AK5: variants seen among roughly 807,000 people sequenced by gnomAD.
The protein encoded by AK5 is adenylate kinase 5.
Under a neutral mutation model 69.5 loss-of-function variants are expected in AK5, and 27 were observed. That is an observed-to-expected ratio of 0.39 (90% CI 0.29 to 0.54). AK5 has a LOEUF of 0.54. Among genes scored for constraint, AK5 ranks in the 20% least tolerant of loss-of-function variants. The probability of loss-of-function intolerance (pLI) is 0.71; values close to 1 mark genes in which losing one functional copy is unlikely to be tolerated. For synonymous variants in AK5, 260 were observed against 244.4 expected, an observed-to-expected ratio of 1.06 and a Z score of -0.60; for missense variants, 531 against 700.4, an observed-to-expected ratio of 0.76 and a Z score of 2.73.
chr1:77,367,589 T>TTATATATTTTA (rs374382779), intron 6 of AK5, among the ~76,000 whole-genome samples: 4 of 43,594 alleles, frequency 9.2e-5, no homozygotes, highest in Non-Finnish European at 1.7e-4. Context: ...AATATATATG[T>TTATATATTTTA]TATATATGTA....
At chr1:77,530,701 C>T (rs1372295404) in intron 12 of AK5, among the ~76,000 whole-genome samples, 1 of 152,112 alleles carries the variant, frequency 6.6e-6, no homozygotes. Flanking sequence ...GAGTCAAATA[C>T]TATTATTATC....
In AK5 at chr1:77,291,632, C is replaced by T. The variant is rs193076309; in HGVS notation, c.248-2161C>T. On this transcript the variant is annotated intron_variant, in intron 2 of 13. Coordinates refer to ENST00000354567, the MANE Select transcript of AK5 (RefSeq NM_174858.3). ...TCTTCTGAGTTTTCTCTATGGGAAA[C>T]TATTTCAGTAAGATGTTCTTTTTAT... Among the ~76,000 whole-genome samples the T allele has an allele frequency of 7.2e-5, 11 of 152,200 alleles. No homozygotes were observed. The South Asian group carries it at 8.3e-4, about 11-fold the overall frequency.
intron 8 of AK5, among the ~76,000 whole-genome samples, chr1:77,444,886 A>G (rs1313429164): frequency 6.6e-6 from 1 of 151,524 alleles, no homozygotes; most frequent in Non-Finnish European, 1.5e-5. Context: ...CCAATATCTG[A>G]TCTTTATTTA....
intron 6 of AK5, among the ~76,000 whole-genome samples, chr1:77,354,132 G>A (rs1051541291): frequency 2.0e-5 from 3 of 152,260 alleles, no homozygotes; most frequent in Non-Finnish European, 4.4e-5. Context: ...TGGTGGGAAA[G>A]ACAGAATCAA....
intron 5 of AK5, among the ~76,000 whole-genome samples, chr1:77,325,604 T>C (rs1411798386): frequency 6.6e-6 from 1 of 152,130 alleles, no homozygotes; most frequent in Non-Finnish European, 1.5e-5. Context: ...CTACCTCTGT[T>C]ACACCCTGTG....
intron 8 of AK5, among the ~76,000 whole-genome samples, chr1:77,458,123 G>A (rs983782832): frequency 2.0e-5 from 3 of 148,776 alleles, no homozygotes. Flanking sequence ...AAAAAAAAAA[G>A]GGCAAAACAA....
At position 77,293,707 on chromosome 1, in the gene AK5, A is replaced by G; in HGVS notation, c.248-86A>G. The G allele has an allele frequency of 3.4e-6, 4 of 1,188,742 alleles. No individual in the cohort carries two copies. In the South Asian group the frequency reaches 5.1e-5, roughly 15 times the overall value. 73.6% of individuals were successfully genotyped at this position (1,188,742 alleles called of 1,614,324 possible). ...GAAAAAAACAAACCCATTTAATTTTAAAATTGCTTTTACTAACTGTTTAAG... is the reference window on the plus strand; with the variant it reads ...GAAAAAAACAAACCCATTTAATTTTGAAATTGCTTTTACTAACTGTTTAAG... On this transcript the variant is annotated intron_variant, in intron 2 of 13. Coordinates refer to ENST00000354567, the MANE Select transcript of AK5 (RefSeq NM_174858.3).
intron 6 of AK5, among the ~76,000 whole-genome samples, chr1:77,364,379 C>T (rs1292610029): frequency 6.6e-6 from 1 of 152,136 alleles, no homozygotes; most frequent in African/African-American, 2.4e-5. Context: ...GTGTTGGGAA[C>T]ATTAACTATC....
In AK5 at chr1:77,383,001, C is replaced by T. The variant is rs137908804; in HGVS notation, c.892-27980C>T. Among the ~76,000 whole-genome samples the T allele has an allele frequency of 6.8e-3, 1,040 of 152,226 alleles. 14 individuals carry two copies. The highest frequency in any genetic ancestry group is 0.024 in the African/African-American group (989 of 41,524). On this transcript the variant is annotated intron_variant, in intron 6 of 13. Coordinates refer to ENST00000354567, the MANE Select transcript of AK5 (RefSeq NM_174858.3). Reference sequence around the variant, plus strand: ...GAACAAATGAATATGTTCACAAATTCATTTGTTATACCTAAATAAAGTGTA... The same window carrying T: ...GAACAAATGAATATGTTCACAAATTTATTTGTTATACCTAAATAAAGTGTA...
chr1:77,400,861 A>C (rs2100547428), intron 6 of AK5, among the ~76,000 whole-genome samples: 1 of 147,998 alleles, frequency 6.8e-6, no homozygotes, highest in South Asian at 2.1e-4. Flanking sequence ...TTCTGTACTC[A>C]TCCCTTTGCA....
At chr1:77,436,398 G>A (rs1163301726) in intron 8 of AK5, among the ~76,000 whole-genome samples, 1 of 151,684 alleles carries the variant, frequency 6.6e-6, no homozygotes, top group Non-Finnish European at 1.5e-5. Flanking sequence ...AGTGTAGGAA[G>A]CAAGAAATTT....
intron 12 of AK5, among the ~76,000 whole-genome samples, chr1:77,526,994 A>G (rs1658330190): frequency 6.6e-6 from 1 of 152,098 alleles, no homozygotes; most frequent in Non-Finnish European, 1.5e-5. Flanking sequence ...GTTCCACATC[A>G]TTTTGAGCAA....
At chr1:77,485,359 T>C (rs1201698977) in intron 9 of AK5, among the ~76,000 whole-genome samples, 1 of 152,224 alleles carries the variant, frequency 6.6e-6, no homozygotes, top group Non-Finnish European at 1.5e-5. Context: ...GAGTTGGGGC[T>C]TCACTCAGCT....
chr1:77,556,978 CT>C (rs536677918), intron 13 of AK5, among the ~76,000 whole-genome samples: 15 of 149,380 alleles, frequency 1.0e-4, no homozygotes, highest in South Asian at 4.3e-4. Context: ...AACCCTCTAC[CT>C]TTTTTTTTTC....
intron 5 of AK5, among the ~76,000 whole-genome samples, chr1:77,303,096 AG>A (rs1423653478): frequency 6.6e-6 from 1 of 152,238 alleles, no homozygotes; most frequent in Non-Finnish European, 1.5e-5. Flanking sequence ...ATGACACAGT[AG>A]CATAATACAG....
Position 77,287,079 on chromosome 1 carries a change from T to A in AK5, c.199T>A (p.Leu67Ile). ...DTFVSQEKKTLPPLNGGQSRR... is the reference protein window; with the variant it reads ...DTFVSQEKKTIPPLNGGQSRR... ...ATTTGTAAGCCAGGAAAAGAAGACC[T>A]TACCTCCACTAAATGGAGGACAGTC... is the stretch of plus-strand genomic sequence containing the variant. The change falls in exon 2 of 14, where the codon TTA becomes ATA. Residue 67 changes from leucine (L) to isoleucine (I), a missense_variant. Coordinates refer to ENST00000354567, the MANE Select transcript of AK5 (RefSeq NM_174858.3). 6.2e-7 allele frequency: 1 copy of A among 1,607,668 alleles called. No individual in the cohort carries two copies.
intron 10 of AK5, among the ~76,000 whole-genome samples, chr1:77,508,665 G>A (rs868024284): frequency 1.3e-5 from 2 of 152,088 alleles, no homozygotes; most frequent in South Asian, 4.1e-4. Context: ...TCAGGAGTTC[G>A]AGACCAGCCT....
intron 5 of AK5, among the ~76,000 whole-genome samples, chr1:77,302,572 G>C (rs1197574762): frequency 6.6e-6 from 1 of 152,130 alleles, no homozygotes; most frequent in South Asian, 2.1e-4. Context: ...TCTAGGTTTT[G>C]CTTCAGGGCT....
chr1:77,478,151 A>G (rs923070738), intron 8 of AK5, among the ~76,000 whole-genome samples: 1 of 152,156 alleles, frequency 6.6e-6, no homozygotes, highest in Non-Finnish European at 1.5e-5. Context: ...AATCTCAACT[A>G]CAAGTTCCTC....
Sources: allele counts gnomAD v4.1 joint callset (sites outside exome capture counted in the v4.1 genomes callset), GRCh38; gene constraint gnomAD v4.1.1; transcripts MANE v1.5; gene names NCBI Gene and HGNC (gene_info 2026-07-23, HGNC 2026-07-21).